Variants in STPG2 observed in about 807,000 individuals in gnomAD.
STPG2 encodes the protein sperm tail PG-rich repeat containing 2, also known as sperm-tail PG-rich repeat-containing protein 2.
In STPG2, 56 loss-of-function variants were observed where a neutral mutation model predicts 54.2. That is an observed-to-expected ratio of 1.03 (90% CI 0.83 to 1.29). The LOEUF is 1.29. Among genes scored for constraint, STPG2 ranks in the 50% most tolerant of loss-of-function variants. The probability of loss-of-function intolerance (pLI) is 0.00; values close to 1 mark genes in which losing one functional copy is unlikely to be tolerated. For missense variants in STPG2, 596 were observed against 544.9 expected (o/e 1.09, Z -0.93); for synonymous variants, 200 against 181.8 (o/e 1.10, Z -0.81).
At chr4:98,102,366 C>T (rs10049985) in intron 5 of STPG2, among the ~76,000 whole-genome samples, 60,163 of 152,004 alleles carry the variant, frequency 0.4, 12,149 homozygotes, top group Middle Eastern at 0.46. Context: ...ATATTGTCCA[C>T]GGCTCCTTTT....
chr4:97,673,755 T>C (rs986482849), intron 10 of STPG2, among the ~76,000 whole-genome samples: 1 of 152,168 alleles, frequency 6.6e-6, no homozygotes, highest in African/African-American at 2.4e-5. Flanking sequence ...GATTTTTCTA[T>C]CACATCTTAT....
At chr4:97,574,833 C>A (rs909020354) in intron 10 of STPG2, among the ~76,000 whole-genome samples, 1 of 151,916 alleles carries the variant, frequency 6.6e-6, no homozygotes, top group Non-Finnish European at 1.5e-5. Context: ...CATCCCACTT[C>A]ATCACTATTT....
intron 9 of STPG2, among the ~76,000 whole-genome samples, chr4:97,833,148 G>A (rs1299581455): frequency 1.3e-5 from 2 of 152,106 alleles, no homozygotes; most frequent in Admixed American, 6.5e-5. Context: ...GCATGGTGCT[G>A]GTACCAAAAC....
At chr4:97,554,379 C>A (rs1432676040), downstream of STPG2, among the ~76,000 whole-genome samples, 1 of 152,134 alleles carries the variant, frequency 6.6e-6, no homozygotes, top group Admixed American at 6.6e-5. Context: ...AAATTCTTCC[C>A]TTCTCTGAGA....
Position 98,109,212 on chromosome 4 carries a change from C to T in STPG2, c.481G>A (p.Gly161Arg). The change falls in exon 4 of 11, where the codon GGA becomes AGA. Residue 161 changes from glycine (G) to arginine (R), a missense_variant. Coordinates refer to ENST00000295268, the MANE Select transcript of STPG2 (RefSeq NM_174952.3). The part of the protein sequence containing the change: ...ELPKKSGPGP[G>R]QYDIVQKKTS... ...ACTTACTGGACTATATCATACTGTCCTGGACCAGGACCTGACTTTTTAGGT... is the reference window on the plus strand; with the variant it reads ...ACTTACTGGACTATATCATACTGTCTTGGACCAGGACCTGACTTTTTAGGT... 1 of 1,608,650 alleles carries T rather than the reference C, an allele frequency of 6.2e-7. No individual in the cohort carries two copies. Among genetic ancestry groups the T allele is most frequent in the Non-Finnish European group, 8.5e-7 (1 of 1,176,752 alleles).
intron 10 of STPG2, among the ~76,000 whole-genome samples, chr4:97,650,625 T>C (rs897579859): frequency 1.3e-5 from 2 of 152,078 alleles, no homozygotes; most frequent in African/African-American, 4.8e-5. Context: ...CCAAAGTTTT[T>C]TGAAGTCTCA....
At chr4:98,004,288 C>T (rs1735507078) in intron 5 of STPG2, among the ~76,000 whole-genome samples, 4 of 152,138 alleles carry the variant, frequency 2.6e-5, no homozygotes, top group Admixed American at 2.6e-4. Context: ...CCTCCATGTT[C>T]ATCCATGTTA....
At chr4:98,115,435 T>G (rs1294184339) in intron 3 of STPG2, among the ~76,000 whole-genome samples, 4 of 151,978 alleles carry the variant, frequency 2.6e-5, no homozygotes, top group African/African-American at 4.8e-5. Flanking sequence ...ATTCAAAATG[T>G]TATATAAAAT....
intron 5 of STPG2, among the ~76,000 whole-genome samples, chr4:98,046,014 A>T (rs968793234): frequency 7.4e-4 from 111 of 150,974 alleles, no homozygotes; most frequent in African/African-American, 2.6e-3. Flanking sequence ...AGTGGTATCC[A>T]TAAGTCCCTT....
At position 97,454,519 on chromosome 4, in the gene STPG2, C is replaced by CAAAA. The variant is rs10564687; in HGVS notation, c.462+258176_462+258179dup. ...TGGGCGACAGAGCGAGACTCCGTCT[C>CAAAA]AAAAAAAAAAAAAAAAAAAAAAAAA... is the stretch of plus-strand genomic sequence containing the variant. On this transcript the variant is annotated intron_variant, in intron 4 of 4. Coordinates refer to the STPG2 transcript ENST00000522676. Among the ~76,000 whole-genome samples the CAAAA allele has an allele frequency of 8.5e-4, 37 of 43,696 alleles. 3 individuals carry two copies. Among genetic ancestry groups the CAAAA allele is most frequent in the East Asian group, 3.8e-3 (3 of 792 alleles). 28.7% of individuals were successfully genotyped at this position (43,696 alleles called of 152,430 possible).
chr4:97,870,789 A>C (rs1258345403), intron 8 of STPG2, among the ~76,000 whole-genome samples: 1 of 151,300 alleles, frequency 6.6e-6, no homozygotes, highest in Admixed American at 6.6e-5. Context: ...AGATGTAGAA[A>C]TAAACAATAC....
chr4:97,595,605 A>T (rs183477717), intron 10 of STPG2, among the ~76,000 whole-genome samples: 4 of 152,206 alleles, frequency 2.6e-5, no homozygotes, highest in East Asian at 3.9e-4. Flanking sequence ...TAATAAAAAT[A>T]AAAAAACAAA....
At chr4:97,997,425 G>C (rs1236838139) in intron 5 of STPG2, among the ~76,000 whole-genome samples, 2 of 152,132 alleles carry the variant, frequency 1.3e-5, no homozygotes, top group Non-Finnish European at 2.9e-5. Context: ...AGAGCAATGG[G>C]GAAGGTGTTA....
chr4:97,538,274 G>A (rs190693358), intron 4 of STPG2, among the ~76,000 whole-genome samples: 8 of 151,692 alleles, frequency 5.3e-5, no homozygotes, highest in Admixed American at 2.0e-4. Context: ...CAAACCCATC[G>A]CAAAGTTAAA....
intron 10 of STPG2, among the ~76,000 whole-genome samples, chr4:97,575,267 T>A (rs1394414450): frequency 1.3e-5 from 2 of 151,986 alleles, no homozygotes; most frequent in Non-Finnish European, 2.9e-5. Flanking sequence ...CAAGGAGGAA[T>A]GATTCCTCCC....
chr4:97,875,224 T>C (rs1730132371), intron 8 of STPG2, among the ~76,000 whole-genome samples: 1 of 151,952 alleles, frequency 6.6e-6, no homozygotes, highest in South Asian at 2.1e-4. Flanking sequence ...GTAGAATATC[T>C]GGGTCTTTGG....
chr4:97,966,231 T>C (rs955765296), intron 7 of STPG2, among the ~76,000 whole-genome samples: 3 of 152,160 alleles, frequency 2.0e-5, no homozygotes, highest in Non-Finnish European at 4.4e-5. Context: ...AACTTCATGA[T>C]GCATGCACAA....
chr4:97,787,963 T>C lies in STPG2; in HGVS notation c.1204+52810A>G, dbSNP rs1279141793. On this transcript the variant is annotated intron_variant, in intron 9 of 10. Coordinates refer to ENST00000295268, the MANE Select transcript of STPG2 (RefSeq NM_174952.3). ...AATTTTTCTGGGTACATAGTAGGTG[T>C]ATAGATTTATGGGGTACATAACACA... Among the ~76,000 whole-genome samples, 5 of 151,878 alleles carry C rather than the reference T, an allele frequency of 3.3e-5. No homozygotes were observed. In the East Asian group the frequency reaches 9.6e-4, roughly 29 times the overall value.
intron 9 of STPG2, among the ~76,000 whole-genome samples, chr4:97,741,934 A>G (rs1179146186): frequency 6.6e-6 from 1 of 152,182 alleles, no homozygotes; most frequent in Admixed American, 6.5e-5. Flanking sequence ...TTGTGGCACT[A>G]TTCACAATAG....
Sources: gnomAD v4.1 joint callset for allele counts (sites outside exome capture counted in the v4.1 genomes callset) on GRCh38, gnomAD v4.1.1 for gene constraint, MANE v1.5 for transcripts, NCBI Gene and HGNC (gene_info 2026-07-23, HGNC 2026-07-21) for gene names.